AARS1: variants seen among roughly 807,000 people sequenced by gnomAD.
AARS1 encodes the protein alanine--tRNA ligase, cytoplasmic.
In AARS1, 72 loss-of-function variants were observed where a neutral mutation model predicts 108.9. That is an observed-to-expected ratio of 0.66 (90% CI 0.55 to 0.80). The LOEUF is 0.80. Among genes scored for constraint, AARS1 ranks in the 30% least tolerant of loss-of-function variants. The pLI is 0.00. For missense variants in AARS1, 1,193 were observed against 1,233.2 expected, an observed-to-expected ratio of 0.97 and a Z score of 0.49; for synonymous variants, 489 against 465.7, an observed-to-expected ratio of 1.05 and a Z score of -0.64.
intron 15 of AARS1, 82 bp from the exon 16 acceptor site, chr16:70,255,918 G>T: frequency 7.7e-7 from 1 of 1,301,560 alleles, no homozygotes. Flanking sequence ...GACAAGAGAA[G>T]CAGGAATGGG....
At chr16:70,287,617 C>T (rs1029860066) in intron 1 of AARS1, among the ~76,000 whole-genome samples, 1 of 150,950 alleles carries the variant, frequency 6.6e-6, no homozygotes, top group Non-Finnish European at 1.5e-5. Flanking sequence ...GTGGTGTGCA[C>T]CTGCAGACCC....
rs751472610 is a variant in AARS1, at chr16:70,271,980, A to G, written c.480-8T>C. On this transcript the variant is annotated splice_region_variant and splice_polypyrimidine_tract_variant and intron_variant, in intron 4 of 20. Transcript: ENST00000261772. ...ATTTTGGTGTCATCCAGCCTGACAA[A>G]GGAGTAAAGATAAGTCCAGTTACAG... is the stretch of plus-strand genomic sequence containing the variant. 223 of 1,613,346 alleles carry G rather than the reference A, an allele frequency of 1.4e-4. No homozygotes were observed. Among genetic ancestry groups the G allele is most frequent in the Admixed American group, 3.2e-4 (19 of 59,944 alleles).
intron 17 of AARS1, 83 bp from the exon 18 acceptor site, chr16:70,254,121 T>C: frequency 1.3e-6 from 2 of 1,584,264 alleles, no homozygotes; most frequent in Non-Finnish European, 1.7e-6. Flanking sequence ...CGAACCCAAG[T>C]CCTCCCTGAC....
At chr16:70,279,148 G>C (rs1960626920) in intron 2 of AARS1, among the ~76,000 whole-genome samples, 1 of 151,268 alleles carries the variant, frequency 6.6e-6, no homozygotes, top group Non-Finnish European at 1.5e-5. Flanking sequence ...TCAGGAGTTC[G>C]AGACCAGCCT....
At chr16:70,278,975 G>A (rs989902450) in intron 2 of AARS1, among the ~76,000 whole-genome samples, 3 of 152,160 alleles carry the variant, frequency 2.0e-5, no homozygotes, top group Non-Finnish European at 2.9e-5. Context: ...CGGCGTAAAT[G>A]AGTTATTGTA....
At chr16:70,253,528 C>T (rs1271088218) in intron 19 of AARS1, 147 bp from the exon 20 acceptor site, 13 of 1,012,722 alleles carry the variant, frequency 1.3e-5, no homozygotes, top group African/African-American at 4.8e-5. Flanking sequence ...AGGACCCCAG[C>T]GCCGGGCCCT....
At chr16:70,265,786 G>A (rs1213014842) in intron 9 of AARS1, 124 bp from the exon 10 acceptor site, 15 of 1,218,962 alleles carry the variant, frequency 1.2e-5, no homozygotes, top group African/African-American at 3.0e-5. Context: ...TATCGGCCCT[G>A]TGTGCCCATC....
rs2152154324 is a variant in AARS1, at chr16:70,258,997, T to C, written c.1975A>G (p.Met659Val). Residue 659 changes from methionine to valine, a missense_variant, in exon 14 of 21, where the codon ATG (methionine) becomes GTG (valine). Met to Val is a conservative substitution (Grantham distance 21). Coordinates refer to ENST00000261772, the MANE Select transcript of AARS1 (RefSeq NM_001605.3). ...IKKAEEIANE[M>V]IEAAKAVYTQ... Reference sequence around the variant, plus strand: ...CATCCTACCTTGGCTGCCTCAATCATCTCATTAGCAATCTCTTCAGCCTTC... The same window carrying C: ...CATCCTACCTTGGCTGCCTCAATCACCTCATTAGCAATCTCTTCAGCCTTC... The C allele has an allele frequency of 6.2e-7, 1 of 1,614,166 alleles. No homozygotes were observed. Among genetic ancestry groups the C allele is most frequent in the Non-Finnish European group, 8.5e-7 (1 of 1,180,026 alleles).
chr16:70,252,590 C>T lies in AARS1; in HGVS notation c.*131G>A, dbSNP rs555883502. On this transcript the variant is annotated 3_prime_UTR_variant, in exon 21 of 21. Coordinates refer to ENST00000261772, the MANE Select transcript of AARS1 (RefSeq NM_001605.3). ...AGGGGCACTGAGACATAGGACTGCT[C>T]CCAAGTGTGTTCCAGTTACTGCTGG... The T allele has an allele frequency of 2.3e-4, 240 of 1,034,438 alleles. No individual in the cohort carries two copies. The highest frequency in any genetic ancestry group is 2.7e-4 in the Non-Finnish European group (186 of 682,164). 64.1% of individuals were successfully genotyped at this position (1,034,438 alleles called of 1,614,324 possible). A position where few individuals can be genotyped will look rare whatever the true frequency, so the allele number is the denominator to read the frequency against.
intron 2 of AARS1, among the ~76,000 whole-genome samples, chr16:70,281,353 C>A (rs978865188): frequency 2.0e-5 from 3 of 151,986 alleles, no homozygotes; most frequent in Non-Finnish European, 2.9e-5. Context: ...TTGGTGAGAC[C>A]CCCATCTCTG....
chr16:70,284,677 G>A (rs912132209), intron 1 of AARS1, among the ~76,000 whole-genome samples: 2 of 152,150 alleles, frequency 1.3e-5, no homozygotes, highest in Non-Finnish European at 2.9e-5. Context: ...GAAGTGACAG[G>A]CTTTGGTGAG....
At chr16:70,263,367 T>G (rs1305004386) in intron 11 of AARS1, among the ~76,000 whole-genome samples, 2 of 152,000 alleles carry the variant, frequency 1.3e-5, no homozygotes, top group Non-Finnish European at 2.9e-5. Context: ...AGCTCAGCAG[T>G]TTGAGACCAG....
At chr16:70,253,246 A>G (rs781189373) in intron 20 of AARS1, 22 bp downstream of exon 20, 2 of 1,570,462 alleles carry the variant, frequency 1.3e-6, no homozygotes, top group Non-Finnish European at 8.8e-7. Flanking sequence ...AACACTTCCC[A>G]CTGGTGCGAG....
intron 5 of AARS1, 55 bp from the exon 6 acceptor site, chr16:70,270,395 C>T: frequency 6.2e-7 from 1 of 1,602,830 alleles, no homozygotes; most frequent in East Asian, 2.2e-5. Context: ...TGCCACCTCT[C>T]CAGTCCCTGC....
intron 12 of AARS1, 152 bp downstream of exon 12, chr16:70,262,194 G>C: frequency 1.0e-6 from 1 of 954,788 alleles, no homozygotes; most frequent in East Asian, 2.4e-5. Flanking sequence ...ACAGGTACAA[G>C]CAACAGCTCC....
intron 2 of AARS1, among the ~76,000 whole-genome samples, chr16:70,280,584 T>C (rs1039878078): frequency 9.2e-5 from 14 of 151,732 alleles, no homozygotes; most frequent in African/African-American, 3.4e-4. Context: ...CATCCCAGAG[T>C]GAGAAGCATC....
Position 70,262,967 on chromosome 16 carries a change from CAAAAAAAAAA to C in AARS1, c.1493-453_1493-444del, listed in dbSNP as rs57444625. Among the ~76,000 whole-genome samples the C allele has an allele frequency of 7.1e-3, 146 of 20,604 alleles. 1 individual carries two copies. In the East Asian group the frequency reaches 0.092, roughly 13 times the overall value. The allele number at this position is 20,604 out of a possible 152,430, so 13.5% of individuals were successfully genotyped here. On this transcript the variant is annotated intron_variant, in intron 11 of 20. Coordinates refer to ENST00000261772, the MANE Select transcript of AARS1 (RefSeq NM_001605.3). Reference sequence around the variant, plus strand: ...TGGGTGACAAAGCAAGACTCGGTCTCAAAAAAAAAAAAAAAAAAAAAAAAAAAAAAACAAC... The same window carrying C: ...TGGGTGACAAAGCAAGACTCGGTCTCAAAAAAAAAAAAAAAAAAAAACAAC...
intron 11 of AARS1, among the ~76,000 whole-genome samples, chr16:70,263,992 A>C (rs1960206609): frequency 6.6e-6 from 1 of 152,026 alleles, no homozygotes; most frequent in South Asian, 2.1e-4. Flanking sequence ...TTACGCCTGT[A>C]ATCCCAGCAC....
intron 1 of AARS1, among the ~76,000 whole-genome samples, chr16:70,286,225 C>G (rs1399972773): frequency 6.6e-6 from 1 of 152,042 alleles, no homozygotes; most frequent in African/African-American, 2.4e-5. Flanking sequence ...AACATAAACT[C>G]ATTGATTTAT....
Sources: gnomAD v4.1 joint callset for allele counts (sites outside exome capture counted in the v4.1 genomes callset) on GRCh38, gnomAD v4.1.1 for gene constraint, MANE v1.5 for transcripts, NCBI Gene and HGNC (gene_info 2026-07-23, HGNC 2026-07-21) for gene names.